The following SLC35B1 variants were observed in gnomAD, a reference collection of about 807,000 sequenced individuals.
SLC35B1 encodes the protein ATP/ADP exchanger ER.
In SLC35B1, 27 loss-of-function variants were observed where a neutral mutation model predicts 36.6. That is an observed-to-expected ratio of 0.74 (90% CI 0.54 to 1.02). The LOEUF is 1.02. SLC35B1 is among the 50% of genes least tolerant of loss of function. The pLI is 0.00. For missense variants in SLC35B1, 321 were observed against 383.2 expected, an observed-to-expected ratio of 0.84 and a Z score of 1.35; for synonymous variants, 162 against 152.5, an observed-to-expected ratio of 1.06 and a Z score of -0.46.
At position 49,706,348 on chromosome 17, in the gene SLC35B1, A is replaced by G. The variant is rs1431453386; in HGVS notation, c.209-14T>C. 5.0e-4 allele frequency: 142 copies of G among 282,074 alleles called. No individual in the cohort carries two copies. Among genetic ancestry groups the G allele is most frequent in the Middle Eastern group, 1.9e-3 (2 of 1,026 alleles). The allele number at this position is 282,074 out of a possible 1,614,324, so 17.5% of individuals were successfully genotyped here. A position where few individuals can be genotyped will look rare whatever the true frequency, so the allele number is the denominator to read the frequency against. On this transcript the variant is annotated splice_polypyrimidine_tract_variant and intron_variant, in intron 2 of 8. Transcript: ENST00000240333. ...AAAACTGGATCACTGGGAGAAGACA[A>G]AAAAAAAAAAAAAAAAAGAAAAGAA...
intron 6 of SLC35B1, 56 bp from the exon 7 acceptor site, chr17:49,703,350 AC>A: frequency 1.0e-4 from 1 of 9,552 alleles, no homozygotes; most frequent in Non-Finnish European, 2.0e-4. Context: ...AAATGTGCGC[AC>A]ACACACACAC....
intron 3 of SLC35B1, 97 bp downstream of exon 3, chr17:49,706,102 CTTTTT>C (rs558001093): frequency 9.0e-4 from 755 of 835,882 alleles, no homozygotes; most frequent in South Asian, 1.6e-3. Context: ...GGACCGTTAT[CTTTTT>C]TTTTTTTTTT....
At chr17:49,706,123 A>AAAACACAG in intron 3 of SLC35B1, 81 bp downstream of exon 3, 1 of 836,750 alleles carries the variant, frequency 1.2e-6, no homozygotes, top group Non-Finnish European at 1.7e-6. Flanking sequence ...TTTTTTTTTT[A>AAAACACAG]ACTCACAGAC....
Position 49,705,288 on chromosome 17 carries a change from G to A in SLC35B1, c.371-7C>T, listed in dbSNP as rs770578699. ...GTCACCCCAAGGAGCATGACTACAG[G>A]GAAAAAACAGAGTGGAAAATTCAGG... On this transcript the variant is annotated splice_region_variant and splice_polypyrimidine_tract_variant and intron_variant, in intron 4 of 8. Coordinates refer to ENST00000240333, the MANE Select transcript of SLC35B1 (RefSeq NM_005827.4). 6.2e-7 allele frequency: 1 copy of A among 1,612,360 alleles called. No individual in the cohort carries two copies. Among genetic ancestry groups the A allele is most frequent in the Admixed American group, 1.7e-5 (1 of 59,556 alleles).
intron 8 of SLC35B1, chr17:49,701,836 T>C (rs2073354236): frequency 5.9e-6 from 2 of 339,586 alleles, no homozygotes; most frequent in African/African-American, 4.3e-5. Context: ...ACACCTGCAA[T>C]CCCAGCATTT....
intron 1 of SLC35B1, 61 bp from the exon 2 acceptor site, chr17:49,707,129 A>C: frequency 6.9e-7 from 1 of 1,454,526 alleles, no homozygotes; most frequent in South Asian, 1.1e-5. Flanking sequence ...ACTGTCATCT[A>C]ATATATCCCG....
At chr17:49,705,767 G>A in intron 4 of SLC35B1, 99 bp downstream of exon 4, 1 of 1,163,238 alleles carries the variant, frequency 8.6e-7, no homozygotes, top group East Asian at 2.3e-5. Context: ...AGACAGCCAT[G>A]ATGGGATGAT....
intron 6 of SLC35B1, 65 bp from the exon 7 acceptor site, chr17:49,703,359 C>CAG: frequency 1.1e-6 from 1 of 879,298 alleles, no homozygotes; most frequent in Non-Finnish European, 1.9e-6. Context: ...CACACACACA[C>CAG]ACACACACAC....
chr17:49,705,116 T>C lies in SLC35B1; in HGVS notation c.528+8A>G, dbSNP rs771374180. On this transcript the variant is annotated splice_region_variant and intron_variant, in intron 5 of 8. Coordinates refer to ENST00000240333, the MANE Select transcript of SLC35B1 (RefSeq NM_005827.4). ...GAAAAGGGTGCCTTCCCCAACAGGA[T>C]CTCATACCAAGAGTAGCTCTCCATA... The C allele has an allele frequency of 6.2e-7, 1 of 1,613,904 alleles. No individual in the cohort carries two copies. Among genetic ancestry groups the C allele is most frequent in the Non-Finnish European group, 8.5e-7 (1 of 1,179,902 alleles).
At chr17:49,706,578 C>A (rs2073422812) in intron 2 of SLC35B1, among the ~76,000 whole-genome samples, 1 of 152,114 alleles carries the variant, frequency 6.6e-6, no homozygotes, top group Non-Finnish European at 1.5e-5. Flanking sequence ...GAGGTGGGGG[C>A]CTCATTCAGT....
chr17:49,705,044 G>A, intron 5 of SLC35B1, 80 bp downstream of exon 5: 1 of 1,422,272 alleles, frequency 7.0e-7, no homozygotes, highest in East Asian at 2.3e-5. Flanking sequence ...ACACAGAACT[G>A]GCCTTCTACC....
intron 5 of SLC35B1, 49 bp downstream of exon 5, chr17:49,705,075 T>C (rs765188520): frequency 1.2e-6 from 2 of 1,600,636 alleles, no homozygotes; most frequent in South Asian, 2.2e-5. Flanking sequence ...AGACTATCCT[T>C]TGGTTAAGTT....
In SLC35B1 at chr17:49,701,660, C is replaced by T. The variant is rs140917507; in HGVS notation, c.917-150G>A. On this transcript the variant is annotated intron_variant, in intron 8 of 8. Transcript: ENST00000240333. ...GAACACTGGTTTTATGTAACTTCCT[C>T]AGAGACAAGAGAATGGCACCAGGAT... 2.6e-4 allele frequency: 158 copies of T among 616,240 alleles called. 1 individual carries two copies. The East Asian group carries it at 3.2e-3, about 12-fold the overall frequency. The allele number at this position is 616,240 out of a possible 1,614,324, so 38.2% of individuals were successfully genotyped here. A position where few individuals can be genotyped will look rare whatever the true frequency, so the allele number is the denominator to read the frequency against.
At chr17:49,701,866 G>A (rs1000571047) in intron 8 of SLC35B1, 16 of 357,460 alleles carry the variant, frequency 4.5e-5, no homozygotes, top group Non-Finnish European at 7.8e-5. Context: ...GAGGCAGGAG[G>A]ATCATTTGAG....
At chr17:49,703,892 C>G (rs2073382847) in intron 6 of SLC35B1, 1 of 548,270 alleles carries the variant, frequency 1.8e-6, no homozygotes, top group Non-Finnish European at 3.3e-6. Flanking sequence ...TGACACACGA[C>G]TCTCCTTCAT....
chr17:49,703,791 T>C (rs2073381779), intron 6 of SLC35B1: 1 of 383,086 alleles, frequency 2.6e-6, no homozygotes, highest in Non-Finnish European at 5.0e-6. Flanking sequence ...CTGTTTCCTG[T>C]GAGCACTACG....
At chr17:49,707,617 G>C in intron 1 of SLC35B1, 113 bp downstream of exon 1, 1 of 1,454,036 alleles carries the variant, frequency 6.9e-7, no homozygotes, top group Non-Finnish European at 9.3e-7. Context: ...GGTGCTAAGA[G>C]GGCGACAGCC....
intron 1 of SLC35B1, chr17:49,707,527 A>G (rs1428808396): frequency 1.3e-6 from 2 of 1,493,434 alleles, no homozygotes; most frequent in African/African-American, 2.8e-5. Context: ...AAAGAAAATA[A>G]CCAAGTCCGA....
chr17:49,707,942 C>T lies in SLC35B1; in HGVS notation c.-109G>A, dbSNP rs1330965805. The T allele has an allele frequency of 1.3e-6, 2 of 1,556,310 alleles. No individual in the cohort carries two copies. The highest frequency in any genetic ancestry group is 2.4e-5 in the East Asian group (1 of 41,864). ...CATCGCCGACCGGCGGCAGGGGCCT[C>T]ATAGGAGCTGCATGCGACCGCTGTC... On this transcript the variant is annotated 5_prime_UTR_variant, in exon 1 of 9. The change abolishes an upstream ATG in the 5' untranslated region. Coordinates refer to ENST00000240333, the MANE Select transcript of SLC35B1 (RefSeq NM_005827.4).
Sources: gnomAD v4.1 joint callset for allele counts (sites outside exome capture counted in the v4.1 genomes callset) on GRCh38, gnomAD v4.1.1 for gene constraint, MANE v1.5 for transcripts, NCBI Gene and HGNC (gene_info 2026-07-23, HGNC 2026-07-21) for gene names.